Variants in EHMT1 observed in about 807,000 individuals in gnomAD.
EHMT1 encodes histone-lysine N-methyltransferase EHMT1.
In EHMT1, 15 loss-of-function variants were observed where a neutral mutation model predicts 147.2. That is an observed-to-expected ratio of 0.10 (90% confidence interval 0.07 to 0.16). The LOEUF is 0.16. Among genes scored for constraint, EHMT1 ranks in the 10% least tolerant of loss-of-function variants. EHMT1 has a pLI of 1.00. For missense variants in EHMT1, 1,587 were observed against 1,772.4 expected (o/e 0.90, Z 1.88); for synonymous variants, 795 against 709.6 (o/e 1.12, Z -1.91).
intron 1 of EHMT1, among the ~76,000 whole-genome samples, chr9:137,703,669 C>T (rs1944022896): frequency 6.6e-6 from 1 of 152,118 alleles, no homozygotes; most frequent in South Asian, 2.1e-4. Flanking sequence ...TCAGCTTGGA[C>T]TTCATTGTCC....
intron 25 of EHMT1, among the ~76,000 whole-genome samples, chr9:137,819,832 G>A (rs2132852942): frequency 6.6e-6 from 1 of 152,172 alleles, no homozygotes; most frequent in East Asian, 1.9e-4. Context: ...GTGTGGGAGA[G>A]AGCAGGGGCC....
At chr9:137,715,982 C>G (rs564977909) in intron 2 of EHMT1, among the ~76,000 whole-genome samples, 101 of 150,026 alleles carry the variant, frequency 6.7e-4, no homozygotes, top group African/African-American at 2.4e-3. Flanking sequence ...TTTCTGTAGA[C>G]AGTTTTATAT....
At chr9:137,634,729 GTC>G (rs1159805028) in intron 1 of EHMT1, among the ~76,000 whole-genome samples, 1 of 135,038 alleles carries the variant, frequency 7.4e-6, no homozygotes. Context: ...TTTTGACAGA[GTC>G]TCTCTCTATC....
intron 1 of EHMT1, among the ~76,000 whole-genome samples, chr9:137,669,594 CG>C (rs1411224660): frequency 6.8e-6 from 1 of 147,152 alleles, no homozygotes; most frequent in Non-Finnish European, 1.5e-5. Flanking sequence ...CTACCCAGGG[CG>C]CAGCCGCTCC....
At chr9:137,669,506 C>T (rs1422880210) in intron 1 of EHMT1, among the ~76,000 whole-genome samples, 1 of 115,626 alleles carries the variant, frequency 8.6e-6, no homozygotes, top group Non-Finnish European at 1.8e-5. Context: ...CCTCCCAAGA[C>T]GCCCCGCACA....
chr9:137,670,188 C>T (rs1223148726), intron 1 of EHMT1, among the ~76,000 whole-genome samples: 1 of 152,148 alleles, frequency 6.6e-6, no homozygotes, highest in Non-Finnish European at 1.5e-5. Context: ...ATCCTGCTTC[C>T]CACCAGCTTC....
In EHMT1 at chr9:137,775,086, C is replaced by T; in HGVS notation, c.1648-23C>T. On this transcript the variant is annotated intron_variant, in intron 10 of 26. Transcript: ENST00000460843. The surrounding 1 kb of genome is among the most constrained non-coding windows in gnomAD (Gnocchi z 6.1). ...CGGCCTCTCGTGACTCTGACATTGA[C>T]CACCAGTCTTGTCTGATTGCAGTTG... 1 of 1,613,984 alleles carries T rather than the reference C, an allele frequency of 6.2e-7. No individual in the cohort carries two copies. Among genetic ancestry groups the T allele is most frequent in the Non-Finnish European group, 8.5e-7 (1 of 1,180,016 alleles).
chr9:137,814,589 AC>A, intron 22 of EHMT1, 81 bp downstream of exon 22: 1 of 1,504,538 alleles, frequency 6.6e-7, no homozygotes, highest in Non-Finnish European at 9.1e-7. Context: ...GGCGTCTGTG[AC>A]CCCAGCGCTG....
intron 9 of EHMT1, among the ~76,000 whole-genome samples, chr9:137,758,260 G>A (rs759746180): frequency 6.6e-6 from 1 of 152,204 alleles, no homozygotes; most frequent in South Asian, 2.1e-4. Context: ...CCAGCGTGGC[G>A]GTCATCTCCC....
intron 6 of EHMT1, 128 bp from the exon 7 acceptor site, chr9:137,752,203 G>C (rs182937675): frequency 1.7e-6 from 2 of 1,160,954 alleles, no homozygotes; most frequent in Non-Finnish European, 2.5e-6. Context: ...CCCGCCCCGC[G>C]AGCGTCTCCG....
intron 18 of EHMT1, among the ~76,000 whole-genome samples, chr9:137,807,769 A>G (rs1174438791): frequency 6.6e-6 from 1 of 152,152 alleles, no homozygotes; most frequent in Non-Finnish European, 1.5e-5. Context: ...AGGTCTCCCA[A>G]AGTGCTGGGA....
intron 1 of EHMT1, among the ~76,000 whole-genome samples, chr9:137,691,978 A>G (rs1439662200): frequency 5.3e-5 from 8 of 152,194 alleles, no homozygotes; most frequent in Non-Finnish European, 1.2e-4. Flanking sequence ...TCCCTGAAAT[A>G]TAAATGAAGT....
chr9:137,712,051 C>T (rs1013029554), intron 2 of EHMT1, among the ~76,000 whole-genome samples: 7 of 152,216 alleles, frequency 4.6e-5, no homozygotes, highest in South Asian at 2.1e-4. Context: ...TACCCCTAGC[C>T]GGCCCTCCAG....
chr9:137,702,395 A>C (rs1431388527), intron 1 of EHMT1, among the ~76,000 whole-genome samples: 3 of 152,164 alleles, frequency 2.0e-5, no homozygotes, highest in African/African-American at 4.8e-5. Context: ...TCTGTTCCAA[A>C]AGGGAAAAAT....
intron 1 of EHMT1, among the ~76,000 whole-genome samples, chr9:137,709,961 A>G (rs1288528064): frequency 2.6e-5 from 4 of 152,064 alleles, no homozygotes; most frequent in Non-Finnish European, 5.9e-5. Context: ...TGGCATCTCC[A>G]ACTGCCCAGA....
At chr9:137,723,894 C>T (rs1180644963) in intron 3 of EHMT1, among the ~76,000 whole-genome samples, 4 of 152,216 alleles carry the variant, frequency 2.6e-5, no homozygotes, top group Non-Finnish European at 5.9e-5. Context: ...CTGTATCCAG[C>T]GTTAATCCCC....
In EHMT1 at chr9:137,813,554, T is replaced by G; in HGVS notation, c.3180+24T>G. On this transcript the variant is annotated intron_variant, in intron 21 of 26. Coordinates refer to ENST00000460843, the MANE Select transcript of EHMT1 (RefSeq NM_024757.5). This position sits in a 1 kb window ranked among gnomAD's most constrained non-coding sequence, Gnocchi z 4.9. Reference sequence around the variant, plus strand: ...AGGTGAGTGACGGCAGATGAAGGGCTGACTCAGGCCAGGACATGGGACAGG... The same window carrying G: ...AGGTGAGTGACGGCAGATGAAGGGCGGACTCAGGCCAGGACATGGGACAGG... 6.2e-7 allele frequency: 1 copy of G among 1,613,232 alleles called. No individual in the cohort carries two copies. Among genetic ancestry groups the G allele is most frequent in the Middle Eastern group, 1.6e-4 (1 of 6,062 alleles).
intron 1 of EHMT1, among the ~76,000 whole-genome samples, chr9:137,675,897 C>T (rs1941246316): frequency 6.7e-6 from 1 of 148,962 alleles, no homozygotes; most frequent in Admixed American, 6.7e-5. Context: ...CATTCTCCCG[C>T]CTCAGCCTCC....
At chr9:137,744,828 G>T (rs2136076459) in intron 6 of EHMT1, among the ~76,000 whole-genome samples, 1 of 152,390 alleles carries the variant, frequency 6.6e-6, no homozygotes, top group East Asian at 1.9e-4. Context: ...ACGGGCCAAG[G>T]CCCCAGCCTT....
Sources: gnomAD v4.1 joint callset for allele counts (sites outside exome capture counted in the v4.1 genomes callset) on GRCh38, gnomAD v4.1.1 for gene constraint, Gnocchi (gnomAD v3.1) non-coding constraint, MANE v1.5 for transcripts, NCBI Gene and HGNC (gene_info 2026-07-23, HGNC 2026-07-21) for gene names.